The following MEI1 variants were observed in gnomAD, a reference collection of about 807,000 sequenced individuals.
MEI1 encodes the protein meiosis inhibitor protein 1.
A neutral mutation model predicts 146.2 loss-of-function variants in MEI1; 103 were observed. The observed-to-expected ratio is 0.70, with a 90% confidence interval of 0.60 to 0.83. The LOEUF is 0.83. Among genes scored for constraint, MEI1 ranks in the 40% least tolerant of loss-of-function variants. The pLI, the probability that MEI1 is intolerant of heterozygous loss-of-function variation, is 0.00. For missense variants in MEI1, 1,529 were observed against 1,533.0 expected (o/e 1.00, Z 0.04); for synonymous variants, 652 against 628.2 (o/e 1.04, Z -0.57).
intron 12 of MEI1, 112 bp downstream of exon 12, chr22:41,743,306 C>G (rs1170029867): frequency 1.5e-6 from 1 of 675,414 alleles, no homozygotes; most frequent in Non-Finnish European, 2.6e-6. Context: ...TTTTCTCATG[C>G]ACACATGGCT....
chr22:41,788,007 A>G (rs773191496), intron 26 of MEI1, among the ~76,000 whole-genome samples: 1 of 152,180 alleles, frequency 6.6e-6, no homozygotes, highest in Non-Finnish European at 1.5e-5. Context: ...CAAATTTTTA[A>G]TTACAGATAC....
chr22:41,699,742 C>G, intron 1 of MEI1, 30 bp downstream of exon 1: 1 of 1,530,018 alleles, frequency 6.5e-7, no homozygotes, highest in Admixed American at 2.0e-5. Context: ...TTCAGAAGAC[C>G]TGGGTTTGGC....
chr22:41,718,614 G>A (rs960505352), intron 6 of MEI1, among the ~76,000 whole-genome samples: 2 of 152,140 alleles, frequency 1.3e-5, no homozygotes, highest in African/African-American at 4.8e-5. Context: ...TTCTTCCATG[G>A]TTCCCTCTGG....
rs771223149 is a variant in MEI1, at chr22:41,799,307, G to C, written c.*8G>C. 4.3e-6 allele frequency: 7 copies of C among 1,613,428 alleles called. No homozygotes were observed. The highest frequency in any genetic ancestry group is 4.5e-5 in the East Asian group (2 of 44,854). On this transcript the variant is annotated 3_prime_UTR_variant, in exon 31 of 31. Coordinates refer to ENST00000401548, the MANE Select transcript of MEI1 (RefSeq NM_152513.4). ...TCCCACATCAGAAACTGATCCTCAG[G>C]ACTTGAAGGCCCAGAAGTGGAGAGA...
intron 3 of MEI1, among the ~76,000 whole-genome samples, chr22:41,711,448 T>G (rs2069559719): frequency 6.6e-6 from 1 of 152,234 alleles, no homozygotes; most frequent in African/African-American, 2.4e-5. Flanking sequence ...CTTCATCATT[T>G]TCCTTCTAGG....
At chr22:41,715,222 G>A (rs937581721) in intron 4 of MEI1, among the ~76,000 whole-genome samples, 1 of 151,930 alleles carries the variant, frequency 6.6e-6, no homozygotes, top group South Asian at 2.1e-4. Context: ...CTATAAAGCT[G>A]TTACTATTAT....
At chr22:41,737,114 A>G (rs1452254425) in intron 11 of MEI1, among the ~76,000 whole-genome samples, 1 of 152,208 alleles carries the variant, frequency 6.6e-6, no homozygotes, top group Non-Finnish European at 1.5e-5. Flanking sequence ...GCCCAAAATA[A>G]TATTCCCTTA....
chr22:41,713,710 G>A (rs954303763), intron 3 of MEI1, among the ~76,000 whole-genome samples: 10 of 152,080 alleles, frequency 6.6e-5, no homozygotes, highest in African/African-American at 2.2e-4. Flanking sequence ...CTCCATGTCC[G>A]GCTAATTTTG....
intron 2 of MEI1, 84 bp downstream of exon 2, chr22:41,703,538 AGAT>A (rs1176158709): frequency 2.5e-5 from 32 of 1,290,708 alleles, no homozygotes; most frequent in Non-Finnish European, 3.3e-5. Flanking sequence ...AAATGATCTT[AGAT>A]GATTTAGGTT....
intron 14 of MEI1, 144 bp downstream of exon 14, chr22:41,746,170 C>G (rs2073273940): frequency 1.6e-6 from 1 of 632,904 alleles, no homozygotes; most frequent in East Asian, 3.1e-5. Flanking sequence ...GCTACCTTTC[C>G]TTTGTTCTAA....
In MEI1 at chr22:41,730,131, C is replaced by T. The variant is rs577549666; in HGVS notation, c.979+352C>T. On this transcript the variant is annotated intron_variant, in intron 8 of 30. Transcript: ENST00000401548. ...TTTTATAGATAAGGAAATTGAGGCT[C>T]AGAGAATGAAATAATTGGCAGGCCT... is the stretch of plus-strand genomic sequence containing the variant. 8.7e-4 allele frequency among the ~76,000 whole-genome samples: 132 copies of T among 152,230 alleles called. 1 individual carries two copies. The highest frequency in any genetic ancestry group is 3.1e-3 in the African/African-American group (130 of 41,536).
At chr22:41,746,889 T>G (rs879256339) in intron 14 of MEI1, among the ~76,000 whole-genome samples, 1 of 152,118 alleles carries the variant, frequency 6.6e-6, no homozygotes. Context: ...ACAGTAAGAC[T>G]TGGGCAACTC....
At chr22:41,722,487 T>G (rs893720186) in intron 6 of MEI1, among the ~76,000 whole-genome samples, 1 of 148,156 alleles carries the variant, frequency 6.7e-6, no homozygotes, top group Non-Finnish European at 1.5e-5. Flanking sequence ...TTTTTTTTTT[T>G]TGTAGAGATG....
intron 11 of MEI1, 40 bp downstream of exon 11, chr22:41,732,643 A>G: frequency 6.2e-7 from 1 of 1,600,444 alleles, no homozygotes. Flanking sequence ...ATCCCTGCAT[A>G]TACCTAAGGG....
chr22:41,787,905 C>A (rs1467924740), intron 26 of MEI1, among the ~76,000 whole-genome samples: 1 of 152,168 alleles, frequency 6.6e-6, no homozygotes, highest in African/African-American at 2.4e-5. Flanking sequence ...ATTCCTAATA[C>A]AAAAGTCCAA....
At chr22:41,716,303 A>G (rs1038567736) in intron 5 of MEI1, among the ~76,000 whole-genome samples, 157 bp downstream of exon 5, 39 of 150,148 alleles carry the variant, frequency 2.6e-4, no homozygotes, top group Non-Finnish European at 5.3e-4. Context: ...ATGTCGGTCA[A>G]TTTGAAAAAG....
intron 3 of MEI1, among the ~76,000 whole-genome samples, chr22:41,710,534 T>G (rs545249245): frequency 6.6e-6 from 1 of 152,036 alleles, no homozygotes; most frequent in East Asian, 1.9e-4. Flanking sequence ...CCTTTCAGAG[T>G]GGTGTCTTTC....
At chr22:41,748,078 G>A (rs377584913) in intron 14 of MEI1, 29 bp from the exon 15 acceptor site, 40 of 1,511,136 alleles carry the variant, frequency 2.6e-5, no homozygotes, top group Non-Finnish European at 2.8e-5. Context: ...GTCCCCGTGG[G>A]CTGTGTTCTC....
chr22:41,713,793 C>A lies in MEI1; in HGVS notation c.350-209C>A, dbSNP rs60921097. 1.2e-3 allele frequency among the ~76,000 whole-genome samples: 183 copies of A among 152,314 alleles called. 1 individual carries two copies. Among genetic ancestry groups the A allele is most frequent in the African/African-American group, 4.2e-3 (173 of 41,560 alleles). ...AAATTCCTCACCTCAGGTGATCCGC[C>A]TGCCTCGGCCTCCCAAAGTGCTGGG... is the stretch of plus-strand genomic sequence containing the variant. On this transcript the variant is annotated intron_variant, in intron 3 of 30. Transcript: ENST00000401548.
Sources: allele counts gnomAD v4.1 joint callset (sites outside exome capture counted in the v4.1 genomes callset), GRCh38; gene constraint gnomAD v4.1.1; transcripts MANE v1.5; gene names NCBI Gene and HGNC (gene_info 2026-07-23, HGNC 2026-07-21).